HIBCH: variants seen among roughly 807,000 people sequenced by gnomAD.
HIBCH encodes 3-hydroxyisobutyryl-CoA hydrolase.
A neutral mutation model predicts 58.2 loss-of-function variants in HIBCH; 50 were observed. The ratio of observed to expected loss-of-function variants is 0.86; its 90% CI spans 0.68 to 1.09. HIBCH has a LOEUF of 1.09. HIBCH is among the 50% of genes least tolerant of loss of function. The pLI is 0.00. For synonymous variants in HIBCH, 151 were observed against 146.9 expected (o/e 1.03, Z -0.20); for missense variants, 450 against 449.7 (o/e 1.00, Z -0.01).
chr2:190,210,468 ACT>A lies in HIBCH; in HGVS notation c.1012-1557_1012-1556del, dbSNP rs1438698755. Among the ~76,000 whole-genome samples the A allele has an allele frequency of 3.3e-5, 5 of 151,316 alleles. No homozygotes were observed. The highest frequency in any genetic ancestry group is 5.9e-5 in the Non-Finnish European group (4 of 67,848). ...AGAGTTCCTTAGGGCTCAGGTCTGGACTCTCATTTTCTTTATAATATGATCTT... is the reference window on the plus strand; with the variant it reads ...AGAGTTCCTTAGGGCTCAGGTCTGGACTCATTTTCTTTATAATATGATCTT... On this transcript the variant is annotated intron_variant, in intron 12 of 13. Coordinates refer to ENST00000359678, the MANE Select transcript of HIBCH (RefSeq NM_014362.4). This position sits in a 1 kb window ranked among gnomAD's most constrained non-coding sequence, Gnocchi z 5.5.
chr2:190,259,319 A>ATGTGTGAGTGTG (rs1553501620), intron 7 of HIBCH, among the ~76,000 whole-genome samples: 1 of 122,116 alleles, frequency 8.2e-6, no homozygotes, highest in Non-Finnish European at 1.7e-5. Flanking sequence ...CAGTATACAG[A>ATGTGTGAGTGTG]TGTGTGTGTG....
intron 2 of HIBCH, among the ~76,000 whole-genome samples, chr2:190,299,528 A>C (rs986578357): frequency 7.9e-5 from 12 of 151,920 alleles, no homozygotes; most frequent in African/African-American, 2.9e-4. Context: ...CACATATCTG[A>C]TATATTCTTG....
At chr2:190,280,049 T>A (rs1435194210) in intron 6 of HIBCH, 1 of 151,930 alleles carries the variant, frequency 6.6e-6, no homozygotes, top group Non-Finnish European at 1.5e-5. Flanking sequence ...AAAGTAAAAA[T>A]GGCCTGGCTG....
chr2:190,195,417 C>T (rs988175983), intron 1 of HIBCH, among the ~76,000 whole-genome samples: 41 of 152,314 alleles, frequency 2.7e-4, no homozygotes, highest in African/African-American at 8.7e-4. Context: ...CCAAGGTAAC[C>T]GTACCATTTT....
chr2:190,190,305 T>C (rs1409507767), intron 1 of HIBCH, among the ~76,000 whole-genome samples: 1 of 152,226 alleles, frequency 6.6e-6, no homozygotes, highest in Non-Finnish European at 1.5e-5. Context: ...TTGAAATTCA[T>C]ATAAATATGA....
At chr2:190,275,894 A>T (rs1357875664) in intron 6 of HIBCH, among the ~76,000 whole-genome samples, 1 of 152,228 alleles carries the variant, frequency 6.6e-6, no homozygotes, top group Non-Finnish European at 1.5e-5. Context: ...ATTAAAGCTG[A>T]GCAAACTTTC....
chr2:190,244,504 T>C (rs1686549620), intron 11 of HIBCH, among the ~76,000 whole-genome samples: 1 of 152,180 alleles, frequency 6.6e-6, no homozygotes, highest in Non-Finnish European at 1.5e-5. Flanking sequence ...AATTTATAGA[T>C]CAATGTCCCA....
In HIBCH at chr2:190,215,533, T is replaced by C. The variant is rs1690609081; in HGVS notation, c.892-2458A>G. ...TCAGGATTAAATCCAGAGGACCCAG[T>C]AGGGCAAGGCCTTTAATTTTAAAGG... On this transcript the variant is annotated intron_variant, in intron 11 of 13. Coordinates refer to ENST00000359678, the MANE Select transcript of HIBCH (RefSeq NM_014362.4). The surrounding 1 kb of genome is among the most constrained non-coding windows in gnomAD (Gnocchi z 4.4). 1 of 152,190 alleles carries C rather than the reference T, an allele frequency of 6.6e-6. No individual in the cohort carries two copies. The highest frequency in any genetic ancestry group is 1.5e-5 in the Non-Finnish European group (1 of 68,030). 9.4% of individuals were successfully genotyped at this position (152,190 alleles called of 1,614,324 possible).
At chr2:190,242,237 CTTGA>C (rs370717945) in intron 11 of HIBCH, among the ~76,000 whole-genome samples, 4 of 151,670 alleles carry the variant, frequency 2.6e-5, no homozygotes, top group South Asian at 2.1e-4. Flanking sequence ...CTTTCTTCTG[CTTGA>C]TTGATTCAGT....
chr2:190,278,738 C>CAAAAAAAA (rs34358967), intron 6 of HIBCH, among the ~76,000 whole-genome samples: 2 of 79,616 alleles, frequency 2.5e-5, no homozygotes, highest in East Asian at 3.6e-4. Flanking sequence ...GACTCCATCT[C>CAAAAAAAA]AAAAAAAAAA....
intron 11 of HIBCH, among the ~76,000 whole-genome samples, chr2:190,224,591 T>C (rs1474026732): frequency 6.6e-6 from 1 of 152,156 alleles, no homozygotes. Flanking sequence ...CTAACTATCC[T>C]AAATATATAT....
At chr2:190,277,634 C>T (rs1181144816) in intron 6 of HIBCH, among the ~76,000 whole-genome samples, 1 of 152,140 alleles carries the variant, frequency 6.6e-6, no homozygotes, top group Non-Finnish European at 1.5e-5. Flanking sequence ...TAATAAATTG[C>T]AACCTTAGTA....
chr2:190,296,055 G>A (rs1688094982), intron 3 of HIBCH, among the ~76,000 whole-genome samples: 1 of 152,172 alleles, frequency 6.6e-6, no homozygotes, highest in African/African-American at 2.4e-5. Context: ...TTTAAGTCCT[G>A]TTTTTCTACT....
chr2:190,314,273 A>AAG (rs1236030906), intron 1 of HIBCH, among the ~76,000 whole-genome samples: 1 of 115,028 alleles, frequency 8.7e-6, no homozygotes. Context: ...AGTTACTACA[A>AAG]AAAAAATATA....
At chr2:190,275,679 G>A (rs1184075991) in intron 6 of HIBCH, among the ~76,000 whole-genome samples, 1 of 152,234 alleles carries the variant, frequency 6.6e-6, no homozygotes, top group Non-Finnish European at 1.5e-5. Context: ...GATATCAACA[G>A]TTTACAAATA....
chr2:190,205,282 G>T, intron 13 of HIBCH, 50 bp from the exon 14 acceptor site: 1 of 1,029,258 alleles, frequency 9.7e-7, no homozygotes, highest in Non-Finnish European at 1.5e-6. Flanking sequence ...GTCTAATATT[G>T]CTAGATTTTA....
At chr2:190,319,367 G>A (rs1688787999) in intron 1 of HIBCH, among the ~76,000 whole-genome samples, 1 of 152,202 alleles carries the variant, frequency 6.6e-6, no homozygotes, top group African/African-American at 2.4e-5. Flanking sequence ...CACAAAACAT[G>A]CCGCACAGTT....
In HIBCH at chr2:190,249,675, T is replaced by C; in HGVS notation, c.715A>G (p.Asn239Asp). 1 of 1,608,774 alleles carries C rather than the reference T, an allele frequency of 6.2e-7. No homozygotes were observed. Among genetic ancestry groups the C allele is most frequent in the Non-Finnish European group, 8.5e-7 (1 of 1,175,412 alleles). ...LLALKSPSKE[N>D]IASVLENYHT... ...TAATTTTCTAAGACAGATGCAATAT[T>C]TTCTTTTGAAGGAGATTTCAAGGCT... Residue 239 changes from asparagine (N) to aspartate (D), a missense_variant, in exon 9 of 14, where the codon AAT (asparagine) becomes GAT (aspartate). Transcript: ENST00000359678.
intron 10 of HIBCH, 27 bp downstream of exon 10, chr2:190,246,127 A>G (rs1257175307): frequency 7.7e-7 from 1 of 1,303,364 alleles, no homozygotes; most frequent in South Asian, 1.2e-5. Context: ...CTAAAGGAAT[A>G]TATAACTGAG....
Sources: allele counts gnomAD v4.1 joint callset (sites outside exome capture counted in the v4.1 genomes callset), GRCh38; gene constraint gnomAD v4.1.1; non-coding constraint Gnocchi (gnomAD v3.1); transcripts MANE v1.5; gene names NCBI Gene and HGNC (gene_info 2026-07-23, HGNC 2026-07-21).